PCDHGB3: variants seen among roughly 807,000 people sequenced by gnomAD.
PCDHGB3 encodes protocadherin gamma-B3.
In PCDHGB3, 40 loss-of-function variants were observed where a neutral mutation model predicts 59.2. The ratio of observed to expected loss-of-function variants is 0.68; its 90% CI spans 0.52 to 0.88. The LOEUF (loss-of-function observed/expected upper bound fraction) is 0.88, where lower values mean the gene tolerates loss of function less well. Ranked by LOEUF, PCDHGB3 falls within the 40% of genes least tolerant of loss-of-function variation. PCDHGB3 has a pLI of 0.00. For missense variants in PCDHGB3, 1,309 were observed against 1,187.9 expected, an observed-to-expected ratio of 1.10 and a Z score of -1.50; for synonymous variants, 581 against 503.6, an observed-to-expected ratio of 1.15 and a Z score of -2.06.
In PCDHGB3 at chr5:141,399,258, G is replaced by T; in HGVS notation, c.2415+26449G>T. On this transcript the variant is annotated intron_variant, in intron 1 of 3. Coordinates refer to ENST00000576222, the MANE Select transcript of PCDHGB3 (RefSeq NM_018924.5). ...ACCAAGATTCTGGGGAAAATGGGGA[G>T]GTTAATTGTCAATTACAAGGCGAAG... 4 of 1,613,870 alleles carry T rather than the reference G, an allele frequency of 2.5e-6. No homozygotes were observed. Among genetic ancestry groups the T allele is most frequent in the East Asian group, 2.2e-5 (1 of 44,878 alleles).
chr5:141,423,904 G>A, intron 1 of PCDHGB3: 2 of 1,275,052 alleles, frequency 1.6e-6, no homozygotes, highest in Middle Eastern at 3.1e-4. Flanking sequence ...TGATTTCAAA[G>A]GGGCCATTCA....
chr5:141,376,266 C>T (rs200515281), intron 1 of PCDHGB3: 171 of 1,614,088 alleles, frequency 1.1e-4, no homozygotes, highest in Non-Finnish European at 1.3e-4. Context: ...CTGCAGGCTT[C>T]GGGAGGTGGC....
Position 141,431,222 on chromosome 5 carries a change from C to A in PCDHGB3, c.2415+58413C>A. On this transcript the variant is annotated intron_variant, in intron 1 of 3. Transcript: ENST00000576222. The surrounding 1 kb of genome is among the most constrained non-coding windows in gnomAD (Gnocchi z 4.8). ...AGCCACTGAGATGCGGTTCCCTCTA[C>A]CCCACGCCTGGGATCCGGATATCGG... 3 of 1,614,170 alleles carry A rather than the reference C, an allele frequency of 1.9e-6. No individual in the cohort carries two copies. The highest frequency in any genetic ancestry group is 2.5e-6 in the Non-Finnish European group (3 of 1,180,034).
Position 141,432,405 on chromosome 5 carries a change from GC to G in PCDHGB3, c.2415+59598del. On this transcript the variant is annotated intron_variant, in intron 1 of 3. Coordinates refer to ENST00000576222, the MANE Select transcript of PCDHGB3 (RefSeq NM_018924.5). This position sits in a 1 kb window ranked among gnomAD's most constrained non-coding sequence, Gnocchi z 6.0. ...CCCCTCAGCAGCAACGTGTCGTTGA[GC>G]CTGTTCGTGCTGGACCAGAACGACA... The G allele has an allele frequency of 6.2e-7, 1 of 1,614,246 alleles. No individual in the cohort carries two copies. Among genetic ancestry groups the G allele is most frequent in the South Asian group, 1.1e-5 (1 of 91,084 alleles).
intron 1 of PCDHGB3, chr5:141,427,785 TC>T: frequency 6.8e-7 from 1 of 1,470,156 alleles, no homozygotes; most frequent in Non-Finnish European, 9.4e-7. Flanking sequence ...GGCACTGTCG[TC>T]CTACGTGTCC....
At chr5:141,442,111 C>G (rs1265830634) in intron 1 of PCDHGB3, 1 of 166,236 alleles carries the variant, frequency 6.0e-6, no homozygotes, top group Non-Finnish European at 1.3e-5. Context: ...CACTACCGCC[C>G]CTCGTCGCCG....
chr5:141,407,591 C>T (rs878883569), intron 1 of PCDHGB3, among the ~76,000 whole-genome samples: 1 of 151,680 alleles, frequency 6.6e-6, no homozygotes, highest in Non-Finnish European at 1.5e-5. Flanking sequence ...CTTAATGTCT[C>T]ATCTTAAAAA....
intron 1 of PCDHGB3, among the ~76,000 whole-genome samples, chr5:141,438,339 AGGATC>A (rs1013025873): frequency 1.6e-4 from 25 of 151,944 alleles, no homozygotes; most frequent in Non-Finnish European, 1.9e-4. Flanking sequence ...ATGTCATATA[AGGATC>A]TACTCTGTGT....
chr5:141,505,377 C>G lies in PCDHGB3; in HGVS notation c.2475-16C>G, dbSNP rs1368451336. 1.9e-6 allele frequency: 3 copies of G among 1,614,036 alleles called. No homozygotes were observed. In the East Asian group the frequency reaches 6.7e-5, roughly 36 times the overall value. On this transcript the variant is annotated splice_polypyrimidine_tract_variant and intron_variant, in intron 2 of 3. Coordinates refer to ENST00000576222, the MANE Select transcript of PCDHGB3 (RefSeq NM_018924.5). Reference sequence around the variant, plus strand: ...CGGCCTGGGAGTCTGTGCTCACCATCCTACTCTCTCCCCAGCTCCCAAAAT... The same window carrying G: ...CGGCCTGGGAGTCTGTGCTCACCATGCTACTCTCTCCCCAGCTCCCAAAAT...
chr5:141,431,698 ATT>A lies in PCDHGB3; in HGVS notation c.2415+58890_2415+58891del. The A allele has an allele frequency of 6.2e-7, 1 of 1,614,222 alleles. No homozygotes were observed. Among genetic ancestry groups the A allele is most frequent in the South Asian group, 1.1e-5 (1 of 91,090 alleles). ...GGGAGTTGGACCACGAGGAGTCAGG[ATT>A]CTACCAGATGGAAGTGCAAGCAATG... On this transcript the variant is annotated intron_variant, in intron 1 of 3. Transcript: ENST00000576222. The surrounding 1 kb of genome is among the most constrained non-coding windows in gnomAD (Gnocchi z 4.8).
At position 141,385,515 on chromosome 5, in the gene PCDHGB3, C is replaced by A. The variant is rs549682834; in HGVS notation, c.2415+12706C>A. On this transcript the variant is annotated intron_variant, in intron 1 of 3. Coordinates refer to ENST00000576222, the MANE Select transcript of PCDHGB3 (RefSeq NM_018924.5). ...GGATATAGTATTTCTTTAGTGAAAG[C>A]CTATGGACAAGATTATGAATATGTG... The A allele has an allele frequency of 5.6e-5, 76 of 1,362,798 alleles. No homozygotes were observed. The East Asian group carries it at 1.7e-3, about 31-fold the overall frequency. 84.4% of individuals were successfully genotyped at this position (1,362,798 alleles called of 1,614,324 possible).
intron 1 of PCDHGB3, chr5:141,478,608 G>C (rs751033009): frequency 7.7e-6 from 12 of 1,558,942 alleles, no homozygotes; most frequent in Middle Eastern, 1.7e-4. Context: ...ATCATATTGA[G>C]GAAGGAATGG....
intron 1 of PCDHGB3, chr5:141,409,000 C>CACTG: frequency 6.2e-7 from 1 of 1,613,950 alleles, no homozygotes; most frequent in Non-Finnish European, 8.5e-7. Flanking sequence ...AAGTGACAGC[C>CACTG]ACTGACCAGG....
intron 1 of PCDHGB3, among the ~76,000 whole-genome samples, chr5:141,480,339 T>A (rs764049837): frequency 1.3e-4 from 20 of 152,010 alleles, no homozygotes; most frequent in Non-Finnish European, 2.4e-4. Context: ...TGCTTGAGCC[T>A]GGGAGGTTGA....
chr5:141,384,259 C>T, intron 1 of PCDHGB3: 2 of 1,613,886 alleles, frequency 1.2e-6, no homozygotes, highest in African/African-American at 1.3e-5. Flanking sequence ...CACCTTCCCC[C>T]ACTCATCCTA....
chr5:141,422,686 C>T, intron 1 of PCDHGB3: 1 of 1,605,000 alleles, frequency 6.2e-7, no homozygotes, highest in East Asian at 2.2e-5. Flanking sequence ...ACAGAATGCC[C>T]TGGTCACTTA....
chr5:141,413,953 C>A, intron 1 of PCDHGB3: 1 of 1,613,310 alleles, frequency 6.2e-7, no homozygotes, highest in Non-Finnish European at 8.5e-7. Context: ...TGAGAATTTG[C>A]CTGTGGGCAC....
At chr5:141,424,982 G>T (rs2096852076) in intron 1 of PCDHGB3, among the ~76,000 whole-genome samples, 1 of 152,106 alleles carries the variant, frequency 6.6e-6, no homozygotes, top group South Asian at 2.1e-4. Context: ...GGATATTTAT[G>T]TTCCCTTTCA....
At chr5:141,375,557 G>A in intron 1 of PCDHGB3, 1 of 1,613,988 alleles carries the variant, frequency 6.2e-7, no homozygotes, top group Non-Finnish European at 8.5e-7. Context: ...CTACTCACTG[G>A]CAGAAGACAC....
Sources: allele counts gnomAD v4.1 joint callset (sites outside exome capture counted in the v4.1 genomes callset), GRCh38; gene constraint gnomAD v4.1.1; non-coding constraint Gnocchi (gnomAD v3.1); transcripts MANE v1.5; gene names NCBI Gene and HGNC (gene_info 2026-07-23, HGNC 2026-07-21).